Variants in RNF2 observed in about 807,000 individuals in gnomAD.
The protein encoded by RNF2 is ring finger protein 2.
RNF2 carries 6 observed loss-of-function variants against 37.2 expected under a neutral mutation model. The ratio of observed to expected loss-of-function variants is 0.16; its 90% CI spans 0.09 to 0.32. The LOEUF is 0.32. RNF2 is among the 10% of genes least tolerant of loss of function. The probability of loss-of-function intolerance (pLI) is 1.00; values close to 1 mark genes in which losing one functional copy is unlikely to be tolerated. For missense variants in RNF2, 251 were observed against 404.0 expected (o/e 0.62, Z 3.25); for synonymous variants, 133 against 132.7 (o/e 1.00, Z -0.02).
In RNF2 at chr1:185,070,732, G is replaced by A. The variant is rs575252579; in HGVS notation, c.-2-16820G>A. ...CAGCTCACTGCAAGTTCCGCCTCCC[G>A]GGTTCACACCATTCTCCTGCTTCAG... On this transcript the variant is annotated intron_variant, in intron 1 of 6. Coordinates refer to ENST00000367510, the MANE Select transcript of RNF2 (RefSeq NM_007212.4). Among the ~76,000 whole-genome samples, 80 of 149,558 alleles carry A rather than the reference G, an allele frequency of 5.3e-4. 1 individual carries two copies. The highest frequency in any genetic ancestry group is 2.7e-4 in the Non-Finnish European group (18 of 67,698).
intron 1 of RNF2, among the ~76,000 whole-genome samples, chr1:185,046,463 T>C (rs1650124357): frequency 1.3e-5 from 2 of 152,220 alleles, no homozygotes; most frequent in Admixed American, 6.5e-5. Flanking sequence ...GAAGTCTCCT[T>C]CTTGCTTTCA....
At chr1:185,078,763 C>T (rs1275558278) in intron 1 of RNF2, among the ~76,000 whole-genome samples, 2 of 150,950 alleles carry the variant, frequency 1.3e-5, no homozygotes, top group Admixed American at 6.6e-5. Context: ...TAGAAAAATT[C>T]GCCAGGCGTA....
At position 185,098,067 on chromosome 1, in the gene RNF2, A is replaced by G. The variant is rs761668609; in HGVS notation, c.465-5A>G. On this transcript the variant is annotated splice_region_variant and splice_polypyrimidine_tract_variant and intron_variant, in intron 4 of 6. Transcript: ENST00000367510. Reference sequence around the variant, plus strand: ...TTTATGCATCCTTTTTTCCCCCTTGACTAGACTGCAGCGAGGCAAGAAACA... The same window carrying G: ...TTTATGCATCCTTTTTTCCCCCTTGGCTAGACTGCAGCGAGGCAAGAAACA... 1 of 1,613,060 alleles carries G rather than the reference A, an allele frequency of 6.2e-7. No homozygotes were observed. The highest frequency in any genetic ancestry group is 1.1e-5 in the South Asian group (1 of 91,042).
At chr1:185,057,757 C>T (rs1346172701) in intron 1 of RNF2, among the ~76,000 whole-genome samples, 1 of 150,720 alleles carries the variant, frequency 6.6e-6, no homozygotes, top group Non-Finnish European at 1.5e-5. Flanking sequence ...TCCATGGTTT[C>T]GTATCCTTGG....
intron 1 of RNF2, among the ~76,000 whole-genome samples, chr1:185,053,286 A>G (rs2102152173): frequency 6.6e-6 from 1 of 151,708 alleles, no homozygotes; most frequent in South Asian, 2.1e-4. Context: ...ATGTTGATCC[A>G]CATACTCCTG....
At chr1:185,090,598 G>T (rs569530245) in intron 2 of RNF2, among the ~76,000 whole-genome samples, 32 of 152,192 alleles carry the variant, frequency 2.1e-4, no homozygotes, top group African/African-American at 7.7e-4. Context: ...ATCCATCTTT[G>T]ACCATATAAA....
rs1650087028 is a variant in RNF2, at chr1:185,045,598, A to G, written c.-54A>G. On this transcript the variant is annotated 5_prime_UTR_variant, in exon 1 of 7. Transcript: ENST00000367510. ...GCCGGCGTCCGCGGCAGCTGATACC[A>G]GAGTCTTGCTCCGGCCGCGGCCAGC... is the stretch of plus-strand genomic sequence containing the variant. 1 of 152,200 alleles carries G rather than the reference A, an allele frequency of 6.6e-6. No homozygotes were observed. The highest frequency in any genetic ancestry group is 2.4e-5 in the African/African-American group (1 of 41,404). 9.4% of individuals were successfully genotyped at this position (152,200 alleles called of 1,614,324 possible). A position where few individuals can be genotyped will look rare whatever the true frequency, so the allele number is the denominator to read the frequency against.
chr1:185,080,299 C>T (rs983619196), intron 1 of RNF2, among the ~76,000 whole-genome samples: 2 of 152,156 alleles, frequency 1.3e-5, no homozygotes, highest in Non-Finnish European at 2.9e-5. Flanking sequence ...AAATGTATTT[C>T]ACATTCTTGG....
intron 1 of RNF2, among the ~76,000 whole-genome samples, chr1:185,046,911 T>G (rs1478931681): frequency 6.6e-6 from 1 of 152,212 alleles, no homozygotes; most frequent in Non-Finnish European, 1.5e-5. Context: ...GAGGTGGGTG[T>G]GAGAGTTTGC....
chr1:185,081,717 A>G (rs1475780206), intron 1 of RNF2, among the ~76,000 whole-genome samples: 2 of 151,948 alleles, frequency 1.3e-5, no homozygotes, highest in Non-Finnish European at 2.9e-5. Flanking sequence ...GCCTCTGTCA[A>G]CTTTTGAAGC....
chr1:185,053,997 C>A (rs1274861953), intron 1 of RNF2, among the ~76,000 whole-genome samples: 6 of 151,864 alleles, frequency 4.0e-5, no homozygotes, highest in Admixed American at 6.6e-5. Context: ...ATCTACATTC[C>A]CCCCCCACCC....
intron 3 of RNF2, 192 bp downstream of exon 3, chr1:185,091,931 T>A: frequency 2.1e-6 from 1 of 475,844 alleles, no homozygotes; most frequent in Non-Finnish European, 3.7e-6. Flanking sequence ...TTCTCCTGCC[T>A]CAGCCTCCAG....
intron 1 of RNF2, among the ~76,000 whole-genome samples, chr1:185,083,939 TAAA>T (rs750661158): frequency 1.6e-5 from 2 of 126,108 alleles, no homozygotes; most frequent in Non-Finnish European, 3.3e-5. Context: ...GTCTTTTCCT[TAAA>T]AAAAAAAAAA....
chr1:185,047,066 A>G (rs1650141376), intron 1 of RNF2, among the ~76,000 whole-genome samples: 1 of 152,194 alleles, frequency 6.6e-6, no homozygotes, highest in African/African-American at 2.4e-5. Context: ...CTCTTAAACT[A>G]CTTTTTAGCA....
chr1:185,100,348 CTTTAATA>C lies in RNF2; in HGVS notation c.*50_*56del, dbSNP rs749684083. ...GACTGAACTTTTTTATAGCCTATTT[CTTTAATA>C]TTAAAGATGTACTGGCATTACTTTT... On this transcript the variant is annotated 3_prime_UTR_variant, in exon 7 of 7. Coordinates refer to ENST00000367510, the MANE Select transcript of RNF2 (RefSeq NM_007212.4). 14 of 1,255,160 alleles carry C rather than the reference CTTTAATA, an allele frequency of 1.1e-5. No homozygotes were observed. The highest frequency in any genetic ancestry group is 1.6e-5 in the Non-Finnish European group (14 of 877,284). 77.8% of individuals were successfully genotyped at this position (1,255,160 alleles called of 1,614,324 possible). A position where few individuals can be genotyped will look rare whatever the true frequency, so the allele number is the denominator to read the frequency against.
chr1:185,098,586 C>T (rs1222391088), intron 5 of RNF2, among the ~76,000 whole-genome samples: 3 of 152,260 alleles, frequency 2.0e-5, no homozygotes, highest in South Asian at 4.1e-4. Flanking sequence ...ATTCAAATTT[C>T]TCAGCAATGA....
At chr1:185,049,671 A>T (rs372291857) in intron 1 of RNF2, among the ~76,000 whole-genome samples, 12 of 108,872 alleles carry the variant, frequency 1.1e-4, no homozygotes, top group African/African-American at 5.1e-4. Context: ...AGATGAGTGT[A>T]AAAAAAAAAA....
At chr1:185,096,357 A>G (rs1440225391) in intron 4 of RNF2, among the ~76,000 whole-genome samples, 1 of 152,098 alleles carries the variant, frequency 6.6e-6, no homozygotes, top group Non-Finnish European at 1.5e-5. Flanking sequence ...TTGGCTCCTC[A>G]AAGCTGAACA....
intron 3 of RNF2, 78 bp downstream of exon 3, chr1:185,091,817 T>TC: frequency 7.5e-7 from 1 of 1,339,992 alleles, no homozygotes; most frequent in East Asian, 2.4e-5. Context: ...AAATACATTT[T>TC]CTTTTTTTTT....
Sources: allele counts gnomAD v4.1 joint callset (sites outside exome capture counted in the v4.1 genomes callset), GRCh38; gene constraint gnomAD v4.1.1; transcripts MANE v1.5; gene names NCBI Gene and HGNC (gene_info 2026-07-23, HGNC 2026-07-21).